The following UTP18 variants were observed in gnomAD, a reference collection of about 807,000 sequenced individuals.
UTP18 encodes the protein U3 small nucleolar RNA-associated protein 18 homolog.
Under a neutral mutation model 61.1 loss-of-function variants are expected in UTP18, and 36 were observed. That is an observed-to-expected ratio of 0.59 (90% CI 0.45 to 0.78). The LOEUF is 0.78. Among genes scored for constraint, UTP18 ranks in the 30% least tolerant of loss-of-function variants. The pLI is 0.00. For missense variants in UTP18, 753 were observed against 693.9 expected, an observed-to-expected ratio of 1.09 and a Z score of -0.96; for synonymous variants, 282 against 251.1, an observed-to-expected ratio of 1.12 and a Z score of -1.16.
At chr17:51,295,436 G>C (rs1225541677) in intron 12 of UTP18, among the ~76,000 whole-genome samples, 3 of 152,148 alleles carry the variant, frequency 2.0e-5, no homozygotes, top group African/African-American at 7.2e-5. Context: ...AGTTTTCCCA[G>C]CACCATTTAT....
At chr17:51,284,569 G>A (rs1291596631) in intron 9 of UTP18, among the ~76,000 whole-genome samples, 1 of 152,068 alleles carries the variant, frequency 6.6e-6, no homozygotes. Context: ...ATAGATGTTG[G>A]AAGAGTTACA....
At chr17:51,280,783 A>T (rs540490931) in intron 9 of UTP18, among the ~76,000 whole-genome samples, 1 of 152,064 alleles carries the variant, frequency 6.6e-6, no homozygotes, top group East Asian at 1.9e-4. Context: ...ACTGCACTCT[A>T]GCCTGGGGGA....
At chr17:51,291,841 C>G (rs891091533) in intron 11 of UTP18, among the ~76,000 whole-genome samples, 14 of 152,108 alleles carry the variant, frequency 9.2e-5, no homozygotes, top group Admixed American at 5.2e-4. Flanking sequence ...CCCCAAACTT[C>G]AAAGTCATTC....
At chr17:51,283,026 A>G (rs6504703) in intron 9 of UTP18, among the ~76,000 whole-genome samples, 96,319 of 150,896 alleles carry the variant, frequency 0.64, 31,359 homozygotes, top group African/African-American at 0.78. Flanking sequence ...ATACCGCCAT[A>G]CCCAGCTAAT....
chr17:51,276,067 G>A (rs1598478996), intron 6 of UTP18, 76 bp downstream of exon 6: 1 of 1,409,486 alleles, frequency 7.1e-7, no homozygotes, highest in East Asian at 2.7e-5. Flanking sequence ...AACCCCAAAT[G>A]CAAAAATACT....
At chr17:51,264,138 G>A (rs1025518631) in intron 2 of UTP18, among the ~76,000 whole-genome samples, 7 of 151,798 alleles carry the variant, frequency 4.6e-5, no homozygotes, top group African/African-American at 1.7e-4. Flanking sequence ...CTGGGTTCAA[G>A]CGATTCTCCT....
intron 12 of UTP18, chr17:51,296,380 A>G (rs1352969826): frequency 6.6e-6 from 1 of 152,204 alleles, no homozygotes; most frequent in East Asian, 1.9e-4. Flanking sequence ...TTTTGAGGAA[A>G]TAGTTGTGAA....
Position 51,297,810 on chromosome 17 carries a change from C to G in UTP18, c.*43C>G. 1 of 389,512 alleles carries G rather than the reference C, an allele frequency of 2.6e-6. No homozygotes were observed. Among genetic ancestry groups the G allele is most frequent in the Non-Finnish European group, 4.9e-6 (1 of 205,742 alleles). 24.1% of individuals were successfully genotyped at this position (389,512 alleles called of 1,614,324 possible). A position where few individuals can be genotyped will look rare whatever the true frequency, so the allele number is the denominator to read the frequency against. On this transcript the variant is annotated 3_prime_UTR_variant, in exon 14 of 14. Coordinates refer to ENST00000225298, the MANE Select transcript of UTP18 (RefSeq NM_016001.3). Reference sequence around the variant, plus strand: ...CAGTTGAGTCACAAGAGAAGCCTGTCTTGATATATCATCTCAGAAACTTTC... The same window carrying G: ...CAGTTGAGTCACAAGAGAAGCCTGTGTTGATATATCATCTCAGAAACTTTC...
In UTP18 at chr17:51,286,982, C is replaced by CG. The variant is rs1555556362; in HGVS notation, c.1329-1047_1329-1046insG. Among the ~76,000 whole-genome samples the CG allele has an allele frequency of 2.8e-4, 41 of 145,294 alleles. 1 individual carries two copies. The highest frequency in any genetic ancestry group is 1.3e-3 in the South Asian group (6 of 4,456). ...CCTAATGCTATCCCTCCCCCTTCCCCCCCCGACCCACAGGCCCCGGTATGT... is the reference window on the plus strand; with the variant it reads ...CCTAATGCTATCCCTCCCCCTTCCCCGCCCCGACCCACAGGCCCCGGTATGT... On this transcript the variant is annotated intron_variant, in intron 10 of 13. Coordinates refer to ENST00000225298, the MANE Select transcript of UTP18 (RefSeq NM_016001.3).
At chr17:51,278,804 C>G (rs1904814503) in intron 7 of UTP18, among the ~76,000 whole-genome samples, 1 of 152,176 alleles carries the variant, frequency 6.6e-6, no homozygotes, top group African/African-American at 2.4e-5. Context: ...ATTAAAATTA[C>G]CCTTAATAGG....
intron 1 of UTP18, 136 bp downstream of exon 1, chr17:51,261,062 G>A: frequency 1.3e-6 from 1 of 787,476 alleles, no homozygotes. Context: ...GAGAACGCGG[G>A]CGCGGAGGGT....
intron 3 of UTP18, 141 bp downstream of exon 3, chr17:51,266,421 G>GT (rs952004678): frequency 3.4e-4 from 174 of 518,804 alleles, no homozygotes; most frequent in East Asian, 6.1e-4. Flanking sequence ...AATTTCTGTA[G>GT]TTTTTTTTAG....
At chr17:51,265,430 A>G (rs1050298202) in intron 2 of UTP18, among the ~76,000 whole-genome samples, 1 of 150,500 alleles carries the variant, frequency 6.6e-6, no homozygotes, top group Non-Finnish European at 1.5e-5. Flanking sequence ...CGCTGGACTA[A>G]TTTTGTGTTT....
chr17:51,266,046 G>C, intron 2 of UTP18, 136 bp from the exon 3 acceptor site: 1 of 557,890 alleles, frequency 1.8e-6, no homozygotes, highest in Non-Finnish European at 2.9e-6. Context: ...CAGAGAAGAT[G>C]CATTTGAAAT....
intron 1 of UTP18, among the ~76,000 whole-genome samples, chr17:51,262,156 A>G (rs1364761072): frequency 6.6e-6 from 1 of 150,446 alleles, no homozygotes; most frequent in East Asian, 2.0e-4. Context: ...ATCTCGGCTC[A>G]CTGCAACCTC....
At chr17:51,270,590 T>C (rs921228121) in intron 4 of UTP18, among the ~76,000 whole-genome samples, 4 of 152,196 alleles carry the variant, frequency 2.6e-5, no homozygotes, top group Non-Finnish European at 5.9e-5. Flanking sequence ...TGGTTTACTT[T>C]AGGGACCCAA....
chr17:51,290,983 C>A (rs1905222916), intron 11 of UTP18, among the ~76,000 whole-genome samples: 2 of 152,232 alleles, frequency 1.3e-5, no homozygotes, highest in South Asian at 2.1e-4. Flanking sequence ...ATTCCTGTTA[C>A]ATCGACAATT....
chr17:51,276,074 T>A, intron 6 of UTP18, 83 bp downstream of exon 6: 4 of 1,360,972 alleles, frequency 2.9e-6, no homozygotes, highest in Admixed American at 2.6e-5. Context: ...AATGCAAAAA[T>A]ACTGAAAAAG....
At position 51,263,382 on chromosome 17, in the gene UTP18, G is replaced by A; in HGVS notation, c.451G>A (p.Glu151Lys). 1 of 1,600,474 alleles carries A rather than the reference G, an allele frequency of 6.2e-7. No homozygotes were observed. The highest frequency in any genetic ancestry group is 1.1e-5 in the South Asian group (1 of 90,670). The stretch of plus-strand genomic sequence containing the variant: ...GGTGGATGAAGAAGATGAAGATGAG[G>A]AAATGTAAGTTGCCTAACTTTTCTT... ...VWVDEEDEDE[E>K]MVDMMNNRFR... The change falls in exon 2 of 14, where the codon GAA (glutamate) becomes AAA (lysine). Residue 151 changes from glutamate to lysine, a missense_variant. Physicochemically the swap from Glu to Lys is moderately conservative, Grantham distance 56. Coordinates refer to ENST00000225298, the MANE Select transcript of UTP18 (RefSeq NM_016001.3).
Sources: gnomAD v4.1 joint callset for allele counts (sites outside exome capture counted in the v4.1 genomes callset) on GRCh38, gnomAD v4.1.1 for gene constraint, MANE v1.5 for transcripts, NCBI Gene and HGNC (gene_info 2026-07-23, HGNC 2026-07-21) for gene names.